Variants in EIF2AK3 observed in about 807,000 individuals in gnomAD.
EIF2AK3 encodes eukaryotic translation initiation factor 2-alpha kinase 3.
In EIF2AK3, 50 loss-of-function variants were observed where a neutral mutation model predicts 113.5. The observed-to-expected ratio is 0.44, with a 90% CI of 0.35 to 0.56. EIF2AK3 has a LOEUF of 0.56. EIF2AK3 is among the 20% of genes least tolerant of loss of function. The pLI, the probability that EIF2AK3 is intolerant of heterozygous loss-of-function variation, is 0.00. For missense variants in EIF2AK3, 1,185 were observed against 1,378.0 expected, an observed-to-expected ratio of 0.86 and a Z score of 2.22; for synonymous variants, 448 against 495.4, an observed-to-expected ratio of 0.90 and a Z score of 1.27.
chr2:88,589,907 G>A (rs567879968), intron 6 of EIF2AK3, among the ~76,000 whole-genome samples: 71 of 152,044 alleles, frequency 4.7e-4, no homozygotes, highest in African/African-American at 1.7e-3. Context: ...TTCTAATATA[G>A]ACCTCAGAGA....
chr2:88,625,379 C>T (rs888540651), intron 1 of EIF2AK3, among the ~76,000 whole-genome samples: 1 of 152,000 alleles, frequency 6.6e-6, no homozygotes, highest in Non-Finnish European at 1.5e-5. Flanking sequence ...GCCTCTGTGC[C>T]TCTTGCTGTT....
intron 2 of EIF2AK3, among the ~76,000 whole-genome samples, chr2:88,609,014 G>GT (rs1238862424): frequency 6.6e-6 from 1 of 151,238 alleles, no homozygotes; most frequent in Non-Finnish European, 1.5e-5. Flanking sequence ...GATTACAGGT[G>GT]TGAGCCACCG....
At chr2:88,615,951 C>G (rs1214568063) in intron 1 of EIF2AK3, among the ~76,000 whole-genome samples, 3 of 152,114 alleles carry the variant, frequency 2.0e-5, no homozygotes, top group Non-Finnish European at 4.4e-5. Context: ...CACTTGACCA[C>G]CCAGCAGCAC....
At chr2:88,571,518 A>G (rs779822948) in intron 13 of EIF2AK3, among the ~76,000 whole-genome samples, 2 of 152,202 alleles carry the variant, frequency 1.3e-5, no homozygotes, top group African/African-American at 2.4e-5. Context: ...CATTTTACAG[A>G]CATAGAAAGT....
Position 88,590,982 on chromosome 2 carries a change from C to T in EIF2AK3, c.838G>A (p.Glu280Lys). Residue 280 changes from glutamate to lysine, a missense_variant, in exon 5 of 17, where the codon GAA becomes AAA. By Grantham distance (56) the Glu-to-Lys change is moderately conservative (BLOSUM62 1). Around this residue, in one of 3 missense-constraint regions of EIF2AK3, gnomAD observed 877 missense variants for 1,024.2 expected, o/e 0.86. Coordinates refer to ENST00000303236, the MANE Select transcript of EIF2AK3 (RefSeq NM_004836.7). ...TTCTCATTGGGCTTAAAGGTGCTTT[C>T]AATAAATCCGGCTCTCGTTTCCATG... ...PDMETRAGFI[E>K]STFKPNENTE... 1 of 1,614,102 alleles carries T rather than the reference C, an allele frequency of 6.2e-7. No individual in the cohort carries two copies. The highest frequency in any genetic ancestry group is 8.5e-7 in the Non-Finnish European group (1 of 1,180,002).
chr2:88,602,332 G>A (rs1011303220), intron 2 of EIF2AK3, among the ~76,000 whole-genome samples: 1 of 152,150 alleles, frequency 6.6e-6, no homozygotes, highest in African/African-American at 2.4e-5. Context: ...GAGACTTGGT[G>A]AGACCAGTGT....
rs145234636 is a variant in EIF2AK3, at chr2:88,609,540, GT to G, written c.438+4183del. 1.6e-3 allele frequency among the ~76,000 whole-genome samples: 245 copies of G among 152,282 alleles called. 2 individuals carry two copies. Among genetic ancestry groups the G allele is most frequent in the African/African-American group, 5.8e-3 (241 of 41,552 alleles). ...TGATTTCATTAAATCTTGACCCTGA[GT>G]AACACATCTTTTTATTATTCTGCAT... On this transcript the variant is annotated intron_variant, in intron 2 of 16. Coordinates refer to ENST00000303236, the MANE Select transcript of EIF2AK3 (RefSeq NM_004836.7).
chr2:88,596,352 G>C (rs1244007029), intron 2 of EIF2AK3, among the ~76,000 whole-genome samples: 1 of 152,014 alleles, frequency 6.6e-6, no homozygotes, highest in African/African-American at 2.4e-5. Context: ...CTGATGGTTG[G>C]GATAGATTAG....
chr2:88,588,253 T>A (rs1167151865), intron 7 of EIF2AK3, 149 bp from the exon 8 acceptor site: 1 of 529,358 alleles, frequency 1.9e-6, no homozygotes, highest in African/African-American at 2.0e-5. Flanking sequence ...GGCCCAGAGC[T>A]CTTGCCTTTG....
intron 2 of EIF2AK3, 136 bp from the exon 3 acceptor site, chr2:88,595,799 A>T: frequency 1.1e-6 from 1 of 884,480 alleles, no homozygotes; most frequent in Non-Finnish European, 1.8e-6. Context: ...ATCCTGATGT[A>T]CTCCAGCCTC....
At chr2:88,578,075 C>T (rs1428463928) in intron 11 of EIF2AK3, among the ~76,000 whole-genome samples, 1 of 152,156 alleles carries the variant, frequency 6.6e-6, no homozygotes, top group African/African-American at 2.4e-5. Context: ...GTTTTTATCA[C>T]TTATGTAGTG....
At chr2:88,558,877 G>T (rs1397334156) in intron 16 of EIF2AK3, 40 bp downstream of exon 16, 1 of 1,494,392 alleles carries the variant, frequency 6.7e-7, no homozygotes, top group Non-Finnish European at 9.3e-7. Context: ...ACGTTCTAAA[G>T]ATGATTCTAA....
At chr2:88,564,132 C>T (rs1053276432) in intron 14 of EIF2AK3, among the ~76,000 whole-genome samples, 3 of 152,148 alleles carry the variant, frequency 2.0e-5, no homozygotes, top group African/African-American at 7.2e-5. Context: ...ATTGTTTAAT[C>T]GCTGTGTGCA....
chr2:88,603,259 G>A (rs1052078823), intron 2 of EIF2AK3, among the ~76,000 whole-genome samples: 1 of 152,152 alleles, frequency 6.6e-6, no homozygotes, highest in Non-Finnish European at 1.5e-5. Flanking sequence ...AATGTCTCAC[G>A]TTTCCTTATT....
chr2:88,611,673 T>G (rs527693262), intron 2 of EIF2AK3, among the ~76,000 whole-genome samples: 18 of 152,298 alleles, frequency 1.2e-4, no homozygotes, highest in Non-Finnish European at 2.2e-4. Context: ...CACTGTCGCC[T>G]GGGCTGGTGC....
At chr2:88,601,834 C>CTTTTTTTTTTTTTTTTTTTTTTTTTTTT (rs59987968) in intron 2 of EIF2AK3, among the ~76,000 whole-genome samples, 2 of 74,858 alleles carry the variant, frequency 2.7e-5, no homozygotes, top group African/African-American at 5.3e-5. Flanking sequence ...TAAGATTTTT[C>CTTTTTTTTTTTTTTTTTTTTTTTTTTTT]TTTTTTTTTT....
chr2:88,595,734 A>G, intron 2 of EIF2AK3, 71 bp from the exon 3 acceptor site: 3 of 1,373,138 alleles, frequency 2.2e-6, no homozygotes, highest in Non-Finnish European at 3.1e-6. Context: ...TCTCCCAGAA[A>G]AATAGAAGCA....
At chr2:88,566,997 AAC>A (rs1377429941) in intron 14 of EIF2AK3, among the ~76,000 whole-genome samples, 5 of 152,300 alleles carry the variant, frequency 3.3e-5, no homozygotes, top group East Asian at 3.9e-4. Context: ...CAAAAATAAA[AAC>A]AGACAAAATT....
chr2:88,580,756 TACTC>T (rs1674578960), intron 10 of EIF2AK3, among the ~76,000 whole-genome samples: 1 of 152,222 alleles, frequency 6.6e-6, no homozygotes, highest in Admixed American at 6.5e-5. Context: ...ATGACTTACA[TACTC>T]ATTTATTTAG....
Sources: gnomAD v4.1 joint callset for allele counts (sites outside exome capture counted in the v4.1 genomes callset) on GRCh38, gnomAD v4.1.1 for gene constraint, gnomAD v4.1.1 regional missense constraint, MANE v1.5 for transcripts, NCBI Gene and HGNC (gene_info 2026-07-23, HGNC 2026-07-21) for gene names.